Variants in FRAS1 observed in about 807,000 individuals in gnomAD.
The protein encoded by FRAS1 is Fraser extracellular matrix complex subunit 1.
FRAS1 carries 290 observed loss-of-function variants against 435.2 expected under a neutral mutation model. The observed-to-expected ratio is 0.67, with a 90% CI of 0.61 to 0.73. The LOEUF (loss-of-function observed/expected upper bound fraction) is 0.73. FRAS1 is among the 30% of genes least tolerant of loss of function. The pLI is 0.00. For synonymous variants in FRAS1, 1,800 were observed against 1,851.0 expected, an observed-to-expected ratio of 0.97 and a Z score of 0.71; for missense variants, 4,860 against 5,001.5, an observed-to-expected ratio of 0.97 and a Z score of 0.85.
chr4:78,466,136 A>G (rs1007992281), intron 49 of FRAS1, 72 bp from the exon 50 acceptor site: 4 of 1,246,034 alleles, frequency 3.2e-6, no homozygotes, highest in Non-Finnish European at 4.7e-6. Flanking sequence ...TTGATCAGCA[A>G]TTGGGCATCA....
chr4:78,151,284 A>T (rs1309758740), intron 2 of FRAS1, among the ~76,000 whole-genome samples: 2 of 152,142 alleles, frequency 1.3e-5, no homozygotes, highest in Admixed American at 1.3e-4. Flanking sequence ...ATTGTGGATG[A>T]AAAGCTCCCA....
At chr4:78,537,914 C>G (rs1721932412) in intron 72 of FRAS1, among the ~76,000 whole-genome samples, 1 of 150,906 alleles carries the variant, frequency 6.6e-6, no homozygotes, top group African/African-American at 2.4e-5. Context: ...CCACTGCACT[C>G]CAGCCTGGGC....
chr4:78,483,767 ACTCTCTC>A lies in FRAS1; in HGVS notation c.8752+1233_8752+1239del, dbSNP rs1399680269. On this transcript the variant is annotated intron_variant, in intron 58 of 73. Transcript: ENST00000512123. ...GTTTATCCTTCAGGAGAAAAAAAAAACTCTCTCTCTCTCTCTATATATATATATATAA... is the reference window on the plus strand; with the variant it reads ...GTTTATCCTTCAGGAGAAAAAAAAAATCTCTCTCTATATATATATATATAA... 6.2e-4 allele frequency among the ~76,000 whole-genome samples: 68 copies of A among 110,354 alleles called. 5 individuals are homozygous for A. Among genetic ancestry groups the A allele is most frequent in the African/African-American group, 2.1e-3 (66 of 30,966 alleles). 72.4% of individuals were successfully genotyped at this position (110,354 alleles called of 152,430 possible). A position where few individuals can be genotyped will look rare whatever the true frequency, so the allele number is the denominator to read the frequency against.
rs1352521043 is a variant in FRAS1 at position 78,400,738 on chromosome 4, A to T, written c.3980A>T (p.Asp1327Val). The change falls in exon 30 of 74, where the codon GAC becomes GTC. Residue 1327 changes from aspartate (D) to valine (V), a missense_variant. Physicochemically the swap from Asp to Val is radical, Grantham distance 152 (BLOSUM62 -3). Coordinates refer to ENST00000512123, the MANE Select transcript of FRAS1 (RefSeq NM_025074.7). Reference sequence around the variant, plus strand: ...TGCATTTTATTTTTATTTCAGAATGACAGGGGTCTTCAGCTTGTGGCTAAT... The same window carrying T: ...TGCATTTTATTTTTATTTCAGAATGTCAGGGGTCTTCAGCTTGTGGCTAAT... ...LFQVKTVPQN[D>V]RGLQLVANSM... 6.2e-7 allele frequency: 1 copy of T among 1,612,230 alleles called. No homozygotes were observed. The highest frequency in any genetic ancestry group is 1.7e-5 in the Admixed American group (1 of 59,628).
Position 78,432,364 on chromosome 4 carries a change from T to A in FRAS1, c.4977T>A (p.Thr1659=). ...TTGTTTTATTCTTGGAAGGTGACAC[T>A]TTCACCTATGAGGATGTTGAGAAAA... ...EFRRPMATGD[T]FTYEDVEKNA... is the part of the protein sequence containing the mutation. Residue 1659 remains threonine, a synonymous_variant, in exon 38 of 74, where the codon ACT becomes ACA. Transcript: ENST00000512123. 6.3e-7 allele frequency: 1 copy of A among 1,595,790 alleles called. No individual in the cohort carries two copies. Among genetic ancestry groups the A allele is most frequent in the East Asian group, 2.2e-5 (1 of 44,606 alleles).
At chr4:78,149,705 AT>A (rs1303261170) in intron 2 of FRAS1, among the ~76,000 whole-genome samples, 1 of 152,010 alleles carries the variant, frequency 6.6e-6, no homozygotes, top group Non-Finnish European at 1.5e-5. Context: ...TTCTTCATTG[AT>A]TTTCTCATAT....
chr4:78,296,609 T>A (rs1386321398), intron 14 of FRAS1, among the ~76,000 whole-genome samples: 2 of 152,174 alleles, frequency 1.3e-5, no homozygotes, highest in Non-Finnish European at 2.9e-5. Context: ...TTTGTAGAGG[T>A]TGCAAGGAAA....
At chr4:78,218,115 C>CACACACACAT (rs962209867) in intron 2 of FRAS1, among the ~76,000 whole-genome samples, 1 of 127,174 alleles carries the variant, frequency 7.9e-6, no homozygotes, top group Admixed American at 8.6e-5. Flanking sequence ...CACACACACA[C>CACACACACAT]ACACACACAC....
chr4:78,416,845 G>A (rs1733574812), intron 32 of FRAS1, among the ~76,000 whole-genome samples: 1 of 152,080 alleles, frequency 6.6e-6, no homozygotes, highest in African/African-American at 2.4e-5. Context: ...GCAATTGGGA[G>A]GCCACTGGGT....
intron 60 of FRAS1, 114 bp downstream of exon 60, chr4:78,497,075 C>A: frequency 1.3e-6 from 1 of 792,374 alleles, no homozygotes; most frequent in South Asian, 1.8e-5. Flanking sequence ...CTACTGATAA[C>A]ATTCTCTGAA....
chr4:78,375,620 T>C, intron 25 of FRAS1, 119 bp from the exon 26 acceptor site: 1 of 787,838 alleles, frequency 1.3e-6, no homozygotes, highest in Non-Finnish European at 1.9e-6. Context: ...TATTCTCTTT[T>C]GTTACAGTTG....
At chr4:78,367,565 A>T (rs1246426249) in intron 22 of FRAS1, among the ~76,000 whole-genome samples, 2 of 152,176 alleles carry the variant, frequency 1.3e-5, no homozygotes, top group African/African-American at 4.8e-5. Context: ...AGAAAAGAGG[A>T]CCAGCTGACC....
intron 2 of FRAS1, among the ~76,000 whole-genome samples, chr4:78,119,550 A>G (rs4443313): frequency 0.36 from 54,912 of 151,992 alleles, 11,454 homozygotes; most frequent in African/African-American, 0.57. Context: ...ATAGTATTCC[A>G]TGGTCTATAG....
rs770198965 is a variant in FRAS1, at chr4:78,451,824, TA to T, written c.6519del (p.Lys2173AsnfsTer12). The T allele has an allele frequency of 1.9e-6, 3 of 1,613,296 alleles. No homozygotes were observed. The highest frequency in any genetic ancestry group is 1.7e-6 in the Non-Finnish European group (2 of 1,179,408). On this transcript the variant is annotated frameshift_variant, in exon 46 of 74. Transcript: ENST00000512123. LOFTEE classifies it high-confidence loss of function. ...TGEPGGSFAF[K>X]FDVVDGEGNR... ...GAGAACCTGGAGGGAGCTTTGCTTT[TA>T]AATTTGATGTGGTTGATGGAGAAGG... is the stretch of plus-strand genomic sequence containing the variant.
At chr4:78,245,610 A>G (rs561978711) in intron 4 of FRAS1, among the ~76,000 whole-genome samples, 3 of 152,336 alleles carry the variant, frequency 2.0e-5, no homozygotes, top group East Asian at 3.9e-4. Context: ...TATGTACTAC[A>G]TACATTTTAA....
intron 48 of FRAS1, 47 bp downstream of exon 48, chr4:78,464,192 C>A (rs774583511): frequency 3.4e-5 from 53 of 1,575,704 alleles, no homozygotes; most frequent in Non-Finnish European, 4.4e-5. Context: ...TGATTCCTCG[C>A]CATCTTCTTT....
chr4:78,227,781 A>C (rs754064977), intron 2 of FRAS1, among the ~76,000 whole-genome samples: 1 of 152,252 alleles, frequency 6.6e-6, no homozygotes, highest in Admixed American at 6.5e-5. Flanking sequence ...CTCAAACAGC[A>C]TAGATTGAAG....
At chr4:78,371,692 C>G (rs1731517004) in intron 23 of FRAS1, among the ~76,000 whole-genome samples, 1 of 152,132 alleles carries the variant, frequency 6.6e-6, no homozygotes, top group East Asian at 1.9e-4. Context: ...TCTTCAAAAC[C>G]CATGCACTTA....
At chr4:78,177,795 C>T (rs1039850337) in intron 2 of FRAS1, among the ~76,000 whole-genome samples, 7 of 152,128 alleles carry the variant, frequency 4.6e-5, no homozygotes, top group African/African-American at 1.7e-4. Flanking sequence ...CCCTTACATA[C>T]GGATTGGATT....
Sources: gnomAD v4.1 joint callset for allele counts (sites outside exome capture counted in the v4.1 genomes callset) on GRCh38, gnomAD v4.1.1 for gene constraint, MANE v1.5 for transcripts, NCBI Gene and HGNC (gene_info 2026-07-23, HGNC 2026-07-21) for gene names.